TCEANC2: variants seen among roughly 807,000 people sequenced by gnomAD.
The protein encoded by TCEANC2 is transcription elongation factor A N-terminal and central domain-containing protein 2.
TCEANC2 carries 20 observed loss-of-function variants against 22.8 expected under a neutral mutation model. The observed-to-expected ratio is 0.88, with a 90% CI of 0.62 to 1.28. TCEANC2 has a LOEUF of 1.28. TCEANC2 is among the 50% of genes most tolerant of loss of function. TCEANC2 has a pLI of 0.00. For missense variants in TCEANC2, 251 were observed against 249.7 expected, an observed-to-expected ratio of 1.01 and a Z score of -0.03; for synonymous variants, 84 against 95.5, an observed-to-expected ratio of 0.88 and a Z score of 0.70.
intron 4 of TCEANC2, among the ~76,000 whole-genome samples, chr1:54,095,486 T>C (rs1247769597): frequency 6.6e-6 from 1 of 152,156 alleles, no homozygotes; most frequent in Non-Finnish European, 1.5e-5. Flanking sequence ...CATCCCAACC[T>C]ACCCTGGATT....
At chr1:54,054,889 C>G (rs548466790) in intron 2 of TCEANC2, among the ~76,000 whole-genome samples, 46 of 152,348 alleles carry the variant, frequency 3.0e-4, no homozygotes, top group African/African-American at 8.7e-4. Context: ...ATGCTGTTCT[C>G]TCACATCTGT....
At chr1:54,060,988 C>T (rs190362170) in intron 2 of TCEANC2, among the ~76,000 whole-genome samples, 3 of 151,986 alleles carry the variant, frequency 2.0e-5, no homozygotes, top group Non-Finnish European at 4.4e-5. Flanking sequence ...AGAGCTTAGT[C>T]CCTGTTTTAG....
Position 54,102,297 on chromosome 1 carries a change from C to A in TCEANC2, c.*5824C>A, listed in dbSNP as rs1658675892. On this transcript the variant is annotated 3_prime_UTR_variant, in exon 5 of 5. Coordinates refer to ENST00000234827, the MANE Select transcript of TCEANC2 (RefSeq NM_153035.3). ...GAGGTATCTGTGGTGGGAACAGATGCCTGTGAAGTTTATGACAAGACCCTA... is the reference window on the plus strand; with the variant it reads ...GAGGTATCTGTGGTGGGAACAGATGACTGTGAAGTTTATGACAAGACCCTA... The A allele has an allele frequency of 6.6e-6, 1 of 152,162 alleles. No homozygotes were observed. Among genetic ancestry groups the A allele is most frequent in the Admixed American group, 6.5e-5 (1 of 15,276 alleles). The allele number at this position is 152,162 out of a possible 1,614,324, so 9.4% of individuals were successfully genotyped here. A position where few individuals can be genotyped will look rare whatever the true frequency, so the allele number is the denominator to read the frequency against.
chr1:54,096,588 C>A lies in TCEANC2; in HGVS notation c.*115C>A. 7.0e-7 allele frequency: 1 copy of A among 1,437,348 alleles called. No homozygotes were observed. 89.0% of individuals were successfully genotyped at this position (1,437,348 alleles called of 1,614,324 possible). ...TGATGCTGGCTGTGCTAGATTTTCC[C>A]ATGGTGCCGTTCCTTTGCAGACAGA... On this transcript the variant is annotated 3_prime_UTR_variant, in exon 5 of 5. Transcript: ENST00000234827. The surrounding 1 kb of genome is among the most constrained non-coding windows in gnomAD (Gnocchi z 4.9).
In TCEANC2 at chr1:54,097,483, A is replaced by G. The variant is rs6588502; in HGVS notation, c.*1010A>G. Reference sequence around the variant, plus strand: ...GAGCACGTTTGTAATCTGAAAGGAAAGAGCTGGTAGAAGGGGAGAGATTTA... The same window carrying G: ...GAGCACGTTTGTAATCTGAAAGGAAGGAGCTGGTAGAAGGGGAGAGATTTA... On this transcript the variant is annotated 3_prime_UTR_variant, in exon 5 of 5. Coordinates refer to ENST00000234827, the MANE Select transcript of TCEANC2 (RefSeq NM_153035.3). 80,000 of 151,966 alleles carry G rather than the reference A, an allele frequency of 0.53. 24,187 individuals are homozygous for G. The highest frequency in any genetic ancestry group is 0.82 in the African/African-American group (34,156 of 41,422). The allele number at this position is 151,966 out of a possible 1,614,324, so 9.4% of individuals were successfully genotyped here.
intron 3 of TCEANC2, among the ~76,000 whole-genome samples, chr1:54,080,508 A>G (rs1361703131): frequency 6.6e-6 from 1 of 152,116 alleles, no homozygotes; most frequent in Non-Finnish European, 1.5e-5. Flanking sequence ...CCCCTTTACC[A>G]GCTGAATTGA....
intron 2 of TCEANC2, among the ~76,000 whole-genome samples, chr1:54,062,300 G>A (rs904094135): frequency 6.6e-6 from 1 of 152,138 alleles, no homozygotes; most frequent in Non-Finnish European, 1.5e-5. Flanking sequence ...TTGATATTTT[G>A]TGTCCATTTC....
In TCEANC2 at chr1:54,105,936, G is replaced by A. The variant is rs1480204886; in HGVS notation, c.*9463G>A. ...ACCCGGCCAGCAAACTTTTTTAAAG[G>A]AACAGATAGTAAATATTTTAAGCTT... On this transcript the variant is annotated 3_prime_UTR_variant, in exon 5 of 5. Transcript: ENST00000234827. 1 of 152,090 alleles carries A rather than the reference G, an allele frequency of 6.6e-6. No individual in the cohort carries two copies. The highest frequency in any genetic ancestry group is 1.5e-5 in the Non-Finnish European group (1 of 68,014). 9.4% of individuals were successfully genotyped at this position (152,090 alleles called of 1,614,324 possible).
At chr1:54,082,972 T>C (rs1447351092) in intron 3 of TCEANC2, among the ~76,000 whole-genome samples, 1 of 151,906 alleles carries the variant, frequency 6.6e-6, no homozygotes, top group Non-Finnish European at 1.5e-5. Flanking sequence ...GGAGAAGTGA[T>C]GAGAACCTGA....
chr1:54,067,366 G>A (rs1657977609), intron 2 of TCEANC2, among the ~76,000 whole-genome samples: 1 of 152,208 alleles, frequency 6.6e-6, no homozygotes, highest in South Asian at 2.1e-4. Flanking sequence ...GGGAGGACTT[G>A]TGGATGGCTG....
intron 3 of TCEANC2, among the ~76,000 whole-genome samples, chr1:54,079,441 G>A (rs928172586): frequency 6.6e-6 from 1 of 152,126 alleles, no homozygotes. Context: ...ATGAATAAAA[G>A]GCTAAAATCA....
downstream of TCEANC2, among the ~76,000 whole-genome samples, chr1:54,107,115 C>CTGCA (rs1383089113): frequency 4.6e-5 from 7 of 152,234 alleles, no homozygotes; most frequent in Admixed American, 3.9e-4. Flanking sequence ...GGACCCCAGG[C>CTGCA]TGCACTCAGT....
chr1:54,054,448 C>T lies in TCEANC2; in HGVS notation c.26C>T (p.Pro9Leu), dbSNP rs1487205267. The T allele has an allele frequency of 1.2e-6, 2 of 1,614,044 alleles. No homozygotes were observed. Among genetic ancestry groups the T allele is most frequent in the East Asian group, 2.2e-5 (1 of 44,856 alleles). MDKFVIRT[P>L]RIQNSPQKKD... is the part of the protein sequence containing the mutation. Reference sequence around the variant, plus strand: ...ATGGATAAATTCGTCATTCGAACGCCTAGAATCCAGAATAGCCCTCAGAAG... The same window carrying T: ...ATGGATAAATTCGTCATTCGAACGCTTAGAATCCAGAATAGCCCTCAGAAG... The change falls in exon 2 of 5, where the codon CCT becomes CTT. Residue 9 changes from proline to leucine, a missense_variant. Physicochemically the swap from Pro to Leu is moderately conservative, Grantham distance 98. Transcript: ENST00000234827.
intron 2 of TCEANC2, among the ~76,000 whole-genome samples, chr1:54,062,597 C>A (rs1657879123): frequency 6.6e-6 from 1 of 152,116 alleles, no homozygotes; most frequent in African/African-American, 2.4e-5. Flanking sequence ...TTGCAGAAAG[C>A]ATAGATGCAA....
At position 54,095,601 on chromosome 1, in the gene TCEANC2, C is replaced by T. The variant is rs542336475; in HGVS notation, c.439-684C>T. On this transcript the variant is annotated intron_variant, in intron 4 of 4. Coordinates refer to ENST00000234827, the MANE Select transcript of TCEANC2 (RefSeq NM_153035.3). ...ACCACCCCAGAATTGCTACAGTTCC[C>T]TTCCCTAGACCTGCTCTGCTTAATG... Among the ~76,000 whole-genome samples the T allele has an allele frequency of 3.2e-3, 493 of 152,326 alleles. 8 individuals are homozygous for T. Among genetic ancestry groups the T allele is most frequent in the Non-Finnish European group, 1.1e-3 (73 of 68,026 alleles).
intron 2 of TCEANC2, among the ~76,000 whole-genome samples, chr1:54,066,800 T>C (rs1195978761): frequency 6.6e-6 from 1 of 152,256 alleles, no homozygotes; most frequent in Non-Finnish European, 1.5e-5. Flanking sequence ...AGTTTAACAC[T>C]AATATCATTT....
chr1:54,105,529 C>A lies in TCEANC2; in HGVS notation c.*9056C>A, dbSNP rs936032469. On this transcript the variant is annotated 3_prime_UTR_variant, in exon 5 of 5. Coordinates refer to ENST00000234827, the MANE Select transcript of TCEANC2 (RefSeq NM_153035.3). Reference sequence around the variant, plus strand: ...CCAAGAGCAATCCCTGATAAACTTCCCGCATGCTAATCTCCATCTCAGAGT... The same window carrying A: ...CCAAGAGCAATCCCTGATAAACTTCACGCATGCTAATCTCCATCTCAGAGT... The A allele has an allele frequency of 6.6e-6, 1 of 152,250 alleles. No homozygotes were observed. 9.4% of individuals were successfully genotyped at this position (152,250 alleles called of 1,614,324 possible).
chr1:54,097,028 T>G lies in TCEANC2; in HGVS notation c.*555T>G. ...CTTATCTGAACGTTTCAGCTCTCCCTGGAAGACCTTCTGCGTTGGTCTCCA... is the reference window on the plus strand; with the variant it reads ...CTTATCTGAACGTTTCAGCTCTCCCGGGAAGACCTTCTGCGTTGGTCTCCA... On this transcript the variant is annotated 3_prime_UTR_variant, in exon 5 of 5. Transcript: ENST00000234827. 1 of 980,200 alleles carries G rather than the reference T, an allele frequency of 1.0e-6. No homozygotes were observed. Among genetic ancestry groups the G allele is most frequent in the Non-Finnish European group, 1.2e-6 (1 of 824,848 alleles). The allele number at this position is 980,200 out of a possible 1,614,324, so 60.7% of individuals were successfully genotyped here.
chr1:54,110,875 C>T (rs1458461620), downstream of TCEANC2, among the ~76,000 whole-genome samples: 1 of 152,168 alleles, frequency 6.6e-6, no homozygotes, highest in African/African-American at 2.4e-5. Flanking sequence ...ACTTCTTGTC[C>T]TTCAGTTCTT....
Sources: gnomAD v4.1 joint callset for allele counts (sites outside exome capture counted in the v4.1 genomes callset) on GRCh38, gnomAD v4.1.1 for gene constraint, Gnocchi (gnomAD v3.1) non-coding constraint, MANE v1.5 for transcripts, NCBI Gene and HGNC (gene_info 2026-07-23, HGNC 2026-07-21) for gene names.